Variants in LSR observed in about 807,000 individuals in gnomAD.
LSR encodes lipolysis stimulated lipoprotein receptor.
In LSR, 44 loss-of-function variants were observed where a neutral mutation model predicts 61.8. The ratio of observed to expected loss-of-function variants is 0.71; its 90% CI spans 0.56 to 0.91. The LOEUF is 0.91. LSR is among the 40% of genes least tolerant of loss of function. The pLI is 0.00. For synonymous variants in LSR, 397 were observed against 350.6 expected (o/e 1.13, Z -1.48); for missense variants, 911 against 830.5 (o/e 1.10, Z -1.19).
chr19:35,267,444 G>T lies in LSR; in HGVS notation c.1480G>T (p.Asp494Tyr), dbSNP rs1421309018. ...DDLYDQDDSR[D>Y]FPRSRDPHYD... is the part of the protein sequence containing the mutation. Reference sequence around the variant, plus strand: ...CCTCTATGACCAAGACGACTCGAGGGACTTCCCACGCTCCCGGGACCCCCA... The same window carrying T: ...CCTCTATGACCAAGACGACTCGAGGTACTTCCCACGCTCCCGGGACCCCCA... Residue 494 changes from aspartate (D) to tyrosine (Y), a missense_variant, in exon 9 of 10, where the codon GAC becomes TAC. By Grantham distance (160) the Asp-to-Tyr change is radical. Transcript: ENST00000605618. 1.2e-6 allele frequency: 2 copies of T among 1,610,684 alleles called. No individual in the cohort carries two copies. The highest frequency in any genetic ancestry group is 1.7e-6 in the Non-Finnish European group (2 of 1,179,430).
At position 35,249,060 on chromosome 19, in the gene LSR, G is replaced by A; in HGVS notation, c.38G>A (p.Gly13Asp). 6.4e-7 allele frequency: 1 copy of A among 1,573,930 alleles called. No individual in the cohort carries two copies. Residue 13 changes from glycine (G) to aspartate (D), a missense_variant, in exon 1 of 10, where the codon GGC (glycine) becomes GAC (aspartate). Coordinates refer to ENST00000605618, the MANE Select transcript of LSR (RefSeq NM_205834.4). Reference protein sequence around the residue: ...LLAGGLSRGLGSHPAAAGRDA... With the variant: ...LLAGGLSRGLDSHPAAAGRDA... ...GCCGGCGGGCTCTCCAGAGGGCTGG[G>A]CTCCCACCCGGCCGCCGCAGGCCGG... is the stretch of plus-strand genomic sequence containing the variant.
At chr19:35,256,838 T>C (rs1295079080) in intron 2 of LSR, among the ~76,000 whole-genome samples, 1 of 151,838 alleles carries the variant, frequency 6.6e-6, no homozygotes, top group Non-Finnish European at 1.5e-5. Flanking sequence ...TCGTTTCCTT[T>C]TTTTTCTTTT....
chr19:35,260,956 C>G (rs530045537), intron 3 of LSR, among the ~76,000 whole-genome samples: 1 of 152,222 alleles, frequency 6.6e-6, no homozygotes, highest in African/African-American at 2.4e-5. Context: ...CAAATAACAT[C>G]TTAGTGTTAT....
rs929643978 is a variant in LSR at position 35,258,973 on chromosome 19, G to C, written c.483G>C (p.Ala161=). The C allele has an allele frequency of 6.2e-7, 1 of 1,614,040 alleles. No individual in the cohort carries two copies. The highest frequency in any genetic ancestry group is 1.1e-5 in the South Asian group (1 of 91,086). Residue 161 remains alanine, a synonymous_variant, in exon 3 of 10, where the codon GCG becomes GCC. Transcript: ENST00000605618. The part of the protein sequence containing the change: ...GNADLTFDQT[A]WGDSGVYYCS... Reference sequence around the variant, plus strand: ...CTGACCTGACCTTTGACCAGACGGCGTGGGGGGACAGTGGTGTGTATTACT... The same window carrying C: ...CTGACCTGACCTTTGACCAGACGGCCTGGGGGGACAGTGGTGTGTATTACT...
At chr19:35,265,777 C>T (rs546717601) in intron 5 of LSR, among the ~76,000 whole-genome samples, 3 of 151,978 alleles carry the variant, frequency 2.0e-5, no homozygotes, top group Non-Finnish European at 2.9e-5. Context: ...AGTTAATTCC[C>T]GAGGCTCCTG....
intron 1 of LSR, among the ~76,000 whole-genome samples, chr19:35,250,070 G>T (rs1044402163): frequency 2.0e-5 from 3 of 152,154 alleles, no homozygotes; most frequent in Non-Finnish European, 4.4e-5. Context: ...TGGGAAGAGG[G>T]ATGGCGGGCG....
chr19:35,258,847 TG>T lies in LSR; in HGVS notation c.455-97del. On this transcript the variant is annotated intron_variant, in intron 2 of 9. Transcript: ENST00000605618. Reference sequence around the variant, plus strand: ...TCTGCAGCCTGCCCAGCCCACTGCTTGCCCCCTCCTGGGTGTGCTGGGAAGG... The same window carrying T: ...TCTGCAGCCTGCCCAGCCCACTGCTTCCCCCTCCTGGGTGTGCTGGGAAGG... 2.0e-6 allele frequency: 3 copies of T among 1,486,370 alleles called. No homozygotes were observed. In the South Asian group the frequency reaches 3.4e-5, roughly 17 times the overall value. The allele number at this position is 1,486,370 out of a possible 1,614,324, so 92.1% of individuals were successfully genotyped here. A position where few individuals can be genotyped will look rare whatever the true frequency, so the allele number is the denominator to read the frequency against.
chr19:35,262,323 C>T (rs1394200818), intron 4 of LSR, among the ~76,000 whole-genome samples: 1 of 152,068 alleles, frequency 6.6e-6, no homozygotes, highest in African/African-American at 2.4e-5. Flanking sequence ...GTTTTTTGCA[C>T]CTGGGGGAGG....
At chr19:35,253,471 C>T (rs2065820601) in intron 2 of LSR, 1 of 152,644 alleles carries the variant, frequency 6.6e-6, no homozygotes, top group African/African-American at 2.4e-5. Context: ...GATGAAGGCT[C>T]ACGTACCTCA....
chr19:35,251,219 A>G (rs2065789575), intron 2 of LSR, among the ~76,000 whole-genome samples: 1 of 152,190 alleles, frequency 6.6e-6, no homozygotes, highest in Non-Finnish European at 1.5e-5. Flanking sequence ...TGTTAACAAA[A>G]TCATCAAACC....
chr19:35,267,037 C>T (rs1168390575), intron 8 of LSR, 70 bp downstream of exon 8: 9 of 1,556,200 alleles, frequency 5.8e-6, no homozygotes, highest in South Asian at 1.2e-5. Flanking sequence ...TGATACCTGC[C>T]GCAGGGACTC....
intron 3 of LSR, among the ~76,000 whole-genome samples, chr19:35,261,414 A>G (rs1037491600): frequency 6.6e-6 from 1 of 152,200 alleles, no homozygotes; most frequent in South Asian, 2.1e-4. Flanking sequence ...GTGGTGACAC[A>G]TGCCTGTAGC....
At chr19:35,257,235 C>T (rs2065867018) in intron 2 of LSR, among the ~76,000 whole-genome samples, 1 of 152,194 alleles carries the variant, frequency 6.6e-6, no homozygotes, top group Non-Finnish European at 1.5e-5. Flanking sequence ...ACGGAGCCCA[C>T]ATTTTCACCA....
At chr19:35,249,296 T>G in intron 1 of LSR, 165 bp downstream of exon 1, 41 of 805,372 alleles carry the variant, frequency 5.1e-5, no homozygotes, top group South Asian at 8.5e-5. Context: ...GTGAGAGGAA[T>G]TCCCCATTTG....
At chr19:35,265,981 T>C (rs557407148) in intron 5 of LSR, among the ~76,000 whole-genome samples, 1 of 152,318 alleles carries the variant, frequency 6.6e-6, no homozygotes, top group East Asian at 1.9e-4. Context: ...AGACCATGGG[T>C]GGCCACTTCT....
intron 2 of LSR, among the ~76,000 whole-genome samples, chr19:35,254,945 G>T (rs532553887): frequency 6.6e-6 from 1 of 152,258 alleles, no homozygotes; most frequent in Admixed American, 6.5e-5. Context: ...TCAACCCCTG[G>T]CCTATATGAT....
Position 35,266,883 on chromosome 19 carries a change from A to G in LSR, c.1060A>G (p.Met354Val), listed in dbSNP as rs764748121. 1 of 1,613,202 alleles carries G rather than the reference A, an allele frequency of 6.2e-7. No homozygotes were observed. Among genetic ancestry groups the G allele is most frequent in the East Asian group, 2.2e-5 (1 of 44,846 alleles). ...RIQASQQDDS[M>V]RVLYYMEKEL... The stretch of plus-strand genomic sequence containing the variant: ...TCAGGCCAGCCAGCAGGACGACTCC[A>G]TGCGGGTCCTGTACTACATGGAGAA... Residue 354 changes from methionine to valine, a missense_variant, in exon 8 of 10, where the codon ATG becomes GTG. Coordinates refer to ENST00000605618, the MANE Select transcript of LSR (RefSeq NM_205834.4).
At chr19:35,250,183 T>G in intron 1 of LSR, 132 bp from the exon 2 acceptor site, 1 of 572,020 alleles carries the variant, frequency 1.7e-6, no homozygotes, top group Non-Finnish European at 3.0e-6. Flanking sequence ...TCCTGGCAAT[T>G]AAGGAACAAT....
Position 35,267,473 on chromosome 19 carries a change from C to T in LSR, c.1509C>T (p.Tyr503=), listed in dbSNP as rs768565029. 10 of 1,610,940 alleles carry T rather than the reference C, an allele frequency of 6.2e-6. No individual in the cohort carries two copies. The South Asian group carries it at 1.1e-4, about 18-fold the overall frequency. Residue 503 remains tyrosine (Y), a synonymous_variant, in exon 9 of 10, where the codon TAC becomes TAT. Coordinates refer to ENST00000605618, the MANE Select transcript of LSR (RefSeq NM_205834.4). ...TCCCACGCTCCCGGGACCCCCACTA[C>T]GACGACTTCAGGTCTCGGGAGCGCC... ...RDFPRSRDPH[Y]DDFRSRERPP...
Sources: gnomAD v4.1 joint callset for allele counts (sites outside exome capture counted in the v4.1 genomes callset) on GRCh38, gnomAD v4.1.1 for gene constraint, MANE v1.5 for transcripts, NCBI Gene and HGNC (gene_info 2026-07-23, HGNC 2026-07-21) for gene names.